The following ZNF546 variants were observed in gnomAD, a reference collection of about 807,000 sequenced individuals.
ZNF546 encodes CTC-471F3.6.
ZNF546 carries 60 observed loss-of-function variants against 76.2 expected under a neutral mutation model. The ratio of observed to expected loss-of-function variants is 0.79; its 90% CI spans 0.64 to 0.98. The LOEUF is 0.98. Among genes scored for constraint, ZNF546 ranks in the 50% least tolerant of loss-of-function variants. ZNF546 has a pLI of 0.00. For missense variants in ZNF546, 936 were observed against 1,035.6 expected, an observed-to-expected ratio of 0.90 and a Z score of 1.32; for synonymous variants, 277 against 328.1, an observed-to-expected ratio of 0.84 and a Z score of 1.68.
At chr19:40,010,299 A>ATCCC (rs1971655639) in intron 6 of ZNF546, among the ~76,000 whole-genome samples, 1 of 151,624 alleles carries the variant, frequency 6.6e-6, no homozygotes, top group African/African-American at 2.4e-5. Context: ...GCTACTTGGG[A>ATCCC]GGCTGAGGCA....
Position 40,020,129 on chromosome 19 carries a change from A to G in ZNF546, c.*4348A>G, listed in dbSNP as rs1323112308. The stretch of plus-strand genomic sequence containing the variant: ...TAATGGCATGTAGGGGTTTGCGTGA[A>G]TATATACAGTTGAAATTCAATTCTT... On this transcript the variant is annotated 3_prime_UTR_variant, in exon 7 of 7. Transcript: ENST00000347077. 1 of 152,206 alleles carries G rather than the reference A, an allele frequency of 6.6e-6. No individual in the cohort carries two copies. The highest frequency in any genetic ancestry group is 1.5e-5 in the Non-Finnish European group (1 of 68,026). 9.4% of individuals were successfully genotyped at this position (152,206 alleles called of 1,614,324 possible). A position where few individuals can be genotyped will look rare whatever the true frequency, so the allele number is the denominator to read the frequency against.
Position 40,014,407 on chromosome 19 carries a change from T to TA in ZNF546, c.1138dup (p.Thr380AsnfsTer7). The TA allele has an allele frequency of 6.2e-7, 1 of 1,614,120 alleles. No homozygotes were observed. The highest frequency in any genetic ancestry group is 8.5e-7 in the Non-Finnish European group (1 of 1,180,000). Reference sequence around the variant, plus strand: ...ATATTAGTCAACATCAGAAAATTCATACTGGTGTCAAACCCTATAAATGTA... The same window carrying TA: ...ATATTAGTCAACATCAGAAAATTCATAACTGGTGTCAAACCCTATAAATGTA... On this transcript the variant is annotated frameshift_variant, in exon 7 of 7. Transcript: ENST00000347077. LOFTEE classifies it high-confidence loss of function.
intron 3 of ZNF546, 81 bp downstream of exon 3, chr19:39,998,491 ATCT>A: frequency 1.8e-6 from 2 of 1,090,202 alleles, no homozygotes; most frequent in Non-Finnish European, 2.8e-6. Context: ...CACATCATCC[ATCT>A]TCTCCAATCT....
Position 40,016,666 on chromosome 19 carries a change from T to G in ZNF546, c.*885T>G, listed in dbSNP as rs907088669. On this transcript the variant is annotated 3_prime_UTR_variant, in exon 7 of 7. Coordinates refer to ENST00000347077, the MANE Select transcript of ZNF546 (RefSeq NM_178544.5). Reference sequence around the variant, plus strand: ...CATTTCTAAATACTTGCTCTTGGTATCTATAACTTTTGCAGAGACCAGAAG... The same window carrying G: ...CATTTCTAAATACTTGCTCTTGGTAGCTATAACTTTTGCAGAGACCAGAAG... 2.0e-5 allele frequency: 3 copies of G among 152,208 alleles called. No homozygotes were observed. The highest frequency in any genetic ancestry group is 4.4e-5 in the Non-Finnish European group (3 of 68,044). The allele number at this position is 152,208 out of a possible 1,614,324, so 9.4% of individuals were successfully genotyped here.
At chr19:40,008,631 G>T in intron 6 of ZNF546, 66 bp downstream of exon 6, 1 of 1,313,980 alleles carries the variant, frequency 7.6e-7, no homozygotes. Flanking sequence ...TCAGGGAGGA[G>T]GCACAGCACT....
chr19:39,998,338 C>T lies in ZNF546; in HGVS notation c.12C>T (p.Asp4=). 1.3e-6 allele frequency: 2 copies of T among 1,592,652 alleles called. No individual in the cohort carries two copies. The highest frequency in any genetic ancestry group is 1.7e-6 in the Non-Finnish European group (2 of 1,160,330). MQV[D]PPLHGPPNDF... is the part of the protein sequence containing the mutation. ...GTGAACAATGGACCATGCAGGTGGACCCTCCTCTTCACGGGCCTCCAAATG... is the reference window on the plus strand; with the variant it reads ...GTGAACAATGGACCATGCAGGTGGATCCTCCTCTTCACGGGCCTCCAAATG... The change falls in exon 3 of 7, where the codon GAC becomes GAT. Residue 4 remains aspartate, a synonymous_variant. Coordinates refer to ENST00000347077, the MANE Select transcript of ZNF546 (RefSeq NM_178544.5).
At position 40,017,662 on chromosome 19, in the gene ZNF546, G is replaced by A. The variant is rs1356015440; in HGVS notation, c.*1881G>A. Reference sequence around the variant, plus strand: ...TTTGTGATTTTTTTTAAGCTCATCCGCCATTGTTAGCACATTTTATGTGTA... The same window carrying A: ...TTTGTGATTTTTTTTAAGCTCATCCACCATTGTTAGCACATTTTATGTGTA... On this transcript the variant is annotated 3_prime_UTR_variant, in exon 7 of 7. Transcript: ENST00000347077. 1.3e-5 allele frequency: 2 copies of A among 151,896 alleles called. No individual in the cohort carries two copies. Among genetic ancestry groups the A allele is most frequent in the Non-Finnish European group, 2.9e-5 (2 of 67,994 alleles). 9.4% of individuals were successfully genotyped at this position (151,896 alleles called of 1,614,324 possible).
intron 6 of ZNF546, among the ~76,000 whole-genome samples, chr19:40,012,325 T>G (rs532464854): frequency 6.6e-6 from 1 of 152,254 alleles, no homozygotes; most frequent in Non-Finnish European, 1.5e-5. Flanking sequence ...TGAGCAATTT[T>G]GGATGTATCT....
At position 40,015,222 on chromosome 19, in the gene ZNF546, ATC is replaced by A. The variant is rs766345694; in HGVS notation, c.1955_1956del (p.Leu652HisfsTer10). On this transcript the variant is annotated frameshift_variant, in exon 7 of 7. Transcript: ENST00000347077. LOFTEE classifies it high-confidence loss of function. ...GGGAAGGCCTTTATTCGTAGCACTC[ATC>A]TCACGCAACATCACAGAATTCATAC... 50 of 1,614,064 alleles carry A rather than the reference ATC, an allele frequency of 3.1e-5. No homozygotes were observed. Among genetic ancestry groups the A allele is most frequent in the Non-Finnish European group, 4.2e-5 (50 of 1,180,004 alleles).
intron 3 of ZNF546, among the ~76,000 whole-genome samples, chr19:40,003,976 C>T (rs887102016): frequency 1.1e-4 from 16 of 149,476 alleles, no homozygotes; most frequent in African/African-American, 3.5e-4. Flanking sequence ...TGTGTCATTA[C>T]ACTCCAGCCT....
intron 6 of ZNF546, among the ~76,000 whole-genome samples, chr19:40,013,253 G>T (rs1199458271): frequency 1.3e-5 from 2 of 152,134 alleles, no homozygotes; most frequent in Non-Finnish European, 2.9e-5. Context: ...GCCTGTTTTT[G>T]CATGGCTCTT....
intron 6 of ZNF546, among the ~76,000 whole-genome samples, chr19:40,013,016 T>C (rs757193587): frequency 1.3e-5 from 2 of 152,076 alleles, no homozygotes; most frequent in Non-Finnish European, 2.9e-5. Flanking sequence ...GGTTTCACCA[T>C]GTTAGCCGGG....
chr19:40,008,072 C>T (rs1174168298), intron 5 of ZNF546, among the ~76,000 whole-genome samples: 1 of 152,102 alleles, frequency 6.6e-6, no homozygotes, highest in African/African-American at 2.4e-5. Flanking sequence ...TCACCACAGC[C>T]CTAAGAAGTC....
chr19:40,015,446 T>C lies in ZNF546; in HGVS notation c.2176T>C (p.Cys726Arg), dbSNP rs1240152689. The change falls in exon 7 of 7, where the codon TGT becomes CGT. Residue 726 changes from cysteine to arginine, a missense_variant. By Grantham distance (180) the Cys-to-Arg change is radical. Coordinates refer to ENST00000347077, the MANE Select transcript of ZNF546 (RefSeq NM_178544.5). ...TGAGCTTCCATATGAATGTAAGGAA[T>C]GTGGAAAGACCTTTAGTCGTCGGTA... ...TGELPYECKE[C>R]GKTFSRRYHL... The C allele has an allele frequency of 1.2e-6, 2 of 1,614,210 alleles. No homozygotes were observed. The highest frequency in any genetic ancestry group is 1.7e-6 in the Non-Finnish European group (2 of 1,180,022).
Position 40,007,278 on chromosome 19 carries a change from C to A in ZNF546, c.176C>A (p.Ser59Tyr). The A allele has an allele frequency of 1.3e-6, 2 of 1,539,916 alleles. No individual in the cohort carries two copies. The highest frequency in any genetic ancestry group is 1.3e-5 in the South Asian group (1 of 77,610). ...TACATAGGCTTGTCATTTCAGGTAT[C>A]TTTGGCATTTAGGGATGTGTCCATA... ...SCGSKTMANV[S>Y]LAFRDVSIDL... Residue 59 changes from serine (S) to tyrosine (Y), a missense_variant, in exon 5 of 7, where the codon TCT (serine) becomes TAT (tyrosine). Transcript: ENST00000347077.
chr19:40,000,497 C>T (rs1971514618), intron 3 of ZNF546, among the ~76,000 whole-genome samples: 1 of 151,190 alleles, frequency 6.6e-6, no homozygotes, highest in South Asian at 2.1e-4. Flanking sequence ...GTGGCATGCG[C>T]TTGTAATCCC....
intron 3 of ZNF546, among the ~76,000 whole-genome samples, chr19:40,003,918 A>G (rs957651195): frequency 6.6e-6 from 1 of 151,556 alleles, no homozygotes; most frequent in African/African-American, 2.4e-5. Flanking sequence ...AGCCTGAGGC[A>G]GGAGAATCAC....
chr19:39,999,773 CG>C (rs1971503777), intron 3 of ZNF546: 1 of 150,954 alleles, frequency 6.6e-6, no homozygotes, highest in Non-Finnish European at 1.5e-5. Context: ...GATGGGGTTT[CG>C]CCATGTTGGC....
In ZNF546 at chr19:40,015,305, C is replaced by T. The variant is rs546715804; in HGVS notation, c.2035C>T (p.His679Tyr). 3.2e-5 allele frequency: 52 copies of T among 1,613,880 alleles called. No individual in the cohort carries two copies. In the South Asian group the frequency reaches 5.1e-4, roughly 16 times the overall value. The change falls in exon 7 of 7, where the codon CAT (histidine) becomes TAT (tyrosine). Residue 679 changes from histidine (H) to tyrosine (Y), a missense_variant. By Grantham distance (83) the His-to-Tyr change is moderately conservative. Coordinates refer to ENST00000347077, the MANE Select transcript of ZNF546 (RefSeq NM_178544.5). Reference sequence around the variant, plus strand: ...TGGGAAGACGTTTAGTCGGCACTATCATCTTACTCAACATCACAGAGGCCA... The same window carrying T: ...TGGGAAGACGTTTAGTCGGCACTATTATCTTACTCAACATCACAGAGGCCA... ...ECGKTFSRHY[H>Y]LTQHHRGHTG...
Sources: gnomAD v4.1 joint callset for allele counts (sites outside exome capture counted in the v4.1 genomes callset) on GRCh38, gnomAD v4.1.1 for gene constraint, MANE v1.5 for transcripts, NCBI Gene and HGNC (gene_info 2026-07-23, HGNC 2026-07-21) for gene names.